Variants in GPC6 observed in about 807,000 individuals in gnomAD.
GPC6 encodes glypican 6, also known as glypican-6.
Under a neutral mutation model 55.2 loss-of-function variants are expected in GPC6, and 14 were observed. The observed-to-expected ratio is 0.25, with a 90% CI of 0.17 to 0.40. The LOEUF (loss-of-function observed/expected upper bound fraction) is 0.40. Ranked by LOEUF, GPC6 falls within the 10% of genes least tolerant of loss-of-function variation. The probability of loss-of-function intolerance (pLI) is 1.00; values close to 1 mark genes in which losing one functional copy is unlikely to be tolerated. For synonymous variants in GPC6, 278 were observed against 259.6 expected (o/e 1.07, Z -0.68); for missense variants, 641 against 708.5 (o/e 0.90, Z 1.08).
chr13:93,462,689 G>T (rs1050579371), intron 1 of GPC6, among the ~76,000 whole-genome samples: 1 of 150,730 alleles, frequency 6.6e-6, no homozygotes, highest in African/African-American at 2.4e-5. Context: ...ACATATAAAT[G>T]AAAGAGCAAA....
At chr13:94,012,155 A>C (rs1245209606) in intron 3 of GPC6, among the ~76,000 whole-genome samples, 1 of 152,214 alleles carries the variant, frequency 6.6e-6, no homozygotes, top group Non-Finnish European at 1.5e-5. Context: ...GTTTCCAAGT[A>C]ATGTTCACTT....
intron 3 of GPC6, among the ~76,000 whole-genome samples, chr13:93,868,889 C>T (rs1889047340): frequency 6.6e-6 from 1 of 151,798 alleles, no homozygotes; most frequent in Non-Finnish European, 1.5e-5. Flanking sequence ...ATTCCCTTTC[C>T]CTTTTCCACA....
chr13:94,034,252 A>AG (rs755363309), intron 4 of GPC6, among the ~76,000 whole-genome samples: 2 of 57,076 alleles, frequency 3.5e-5, no homozygotes, highest in South Asian at 1.1e-3. Context: ...AAGGAAGGAA[A>AG]GAAAGAAAGA....
At chr13:93,260,626 G>A (rs1877112322) in intron 1 of GPC6, among the ~76,000 whole-genome samples, 1 of 151,960 alleles carries the variant, frequency 6.6e-6, no homozygotes, top group Non-Finnish European at 1.5e-5. Context: ...CACATTACAG[G>A]ACACACTGCC....
At chr13:93,810,059 A>G (rs1886651083) in intron 2 of GPC6, among the ~76,000 whole-genome samples, 1 of 151,762 alleles carries the variant, frequency 6.6e-6, no homozygotes, top group African/African-American at 2.4e-5. Flanking sequence ...AGCTCCCCCA[A>G]CCCCTCCTTC....
At chr13:93,492,830 A>T (rs977165676) in intron 1 of GPC6, among the ~76,000 whole-genome samples, 1 of 150,572 alleles carries the variant, frequency 6.6e-6, no homozygotes, top group East Asian at 2.0e-4. Flanking sequence ...ACATTTATTG[A>T]TTGGCATATA....
At chr13:93,424,678 T>C (rs1320606621) in intron 1 of GPC6, among the ~76,000 whole-genome samples, 3 of 152,142 alleles carry the variant, frequency 2.0e-5, no homozygotes, top group African/African-American at 4.8e-5. Flanking sequence ...ACTGAGGTTG[T>C]TTTTGTTGTT....
intron 1 of GPC6, among the ~76,000 whole-genome samples, chr13:93,378,748 C>T (rs1331073074): frequency 2.6e-5 from 4 of 152,064 alleles, no homozygotes; most frequent in African/African-American, 4.8e-5. Context: ...GTAATCCCAC[C>T]GCTTTGGGAG....
intron 7 of GPC6, among the ~76,000 whole-genome samples, chr13:94,392,915 GT>G (rs1387748154): frequency 6.7e-6 from 1 of 149,872 alleles, no homozygotes; most frequent in East Asian, 1.9e-4. Flanking sequence ...ACCCGGCCCT[GT>G]TTTTAATTTT....
rs116595805 is a variant in GPC6, at chr13:94,221,182, C to T, written c.878-65167C>T. Among the ~76,000 whole-genome samples the T allele has an allele frequency of 2.1e-3, 316 of 152,142 alleles. 3 individuals carry two copies. Among genetic ancestry groups the T allele is most frequent in the African/African-American group, 7.2e-3 (298 of 41,520 alleles). ...ATGGAAATGTCTTGTTTTTAAAAGACCTATATCCATAAACAGCTAAATGAC... is the reference window on the plus strand; with the variant it reads ...ATGGAAATGTCTTGTTTTTAAAAGATCTATATCCATAAACAGCTAAATGAC... On this transcript the variant is annotated intron_variant, in intron 4 of 8. Coordinates refer to ENST00000377047, the MANE Select transcript of GPC6 (RefSeq NM_005708.5).
intron 1 of GPC6, among the ~76,000 whole-genome samples, chr13:93,371,875 A>G (rs1296333600): frequency 1.3e-5 from 2 of 152,138 alleles, no homozygotes; most frequent in African/African-American, 4.8e-5. Context: ...CATAGAATTC[A>G]TTGTTAGCCT....
intron 3 of GPC6, among the ~76,000 whole-genome samples, chr13:93,969,333 G>C (rs1436996826): frequency 6.6e-6 from 1 of 152,178 alleles, no homozygotes; most frequent in Non-Finnish European, 1.5e-5. Context: ...AGAGCCACTA[G>C]AAGAGACCCT....
At chr13:94,290,596 G>C (rs1320673565) in intron 5 of GPC6, among the ~76,000 whole-genome samples, 1 of 151,978 alleles carries the variant, frequency 6.6e-6, no homozygotes, top group Non-Finnish European at 1.5e-5. Flanking sequence ...ATTGTGAAAT[G>C]GTTAAATCAA....
chr13:93,339,019 A>G (rs1319629668), intron 1 of GPC6, among the ~76,000 whole-genome samples: 1 of 152,116 alleles, frequency 6.6e-6, no homozygotes, highest in Non-Finnish European at 1.5e-5. Context: ...AAAGATGAGA[A>G]CCACTGCTCT....
chr13:93,975,151 G>A (rs1376069501), intron 3 of GPC6, among the ~76,000 whole-genome samples: 1 of 152,166 alleles, frequency 6.6e-6, no homozygotes, highest in Admixed American at 6.6e-5. Context: ...AGTTGTCTCT[G>A]ATGCATGCAA....
intron 1 of GPC6, among the ~76,000 whole-genome samples, chr13:93,282,287 A>T (rs990915562): frequency 2.0e-5 from 3 of 152,156 alleles, no homozygotes; most frequent in African/African-American, 7.2e-5. Context: ...CAAACCTAAG[A>T]CTATTTTGCT....
intron 2 of GPC6, among the ~76,000 whole-genome samples, chr13:93,777,823 G>C (rs925587602): frequency 6.6e-6 from 1 of 152,020 alleles, no homozygotes; most frequent in East Asian, 1.9e-4. Context: ...GTGTCTATTT[G>C]TATATGTATT....
chr13:93,272,492 G>A (rs9589697), intron 1 of GPC6, among the ~76,000 whole-genome samples: 10,635 of 137,060 alleles, frequency 0.078, 478 homozygotes, highest in Non-Finnish European at 0.099. Context: ...TTGTCTGTGT[G>A]TATATATATA....
At chr13:93,272,996 G>A (rs765753322) in intron 1 of GPC6, among the ~76,000 whole-genome samples, 3 of 152,124 alleles carry the variant, frequency 2.0e-5, no homozygotes, top group Non-Finnish European at 4.4e-5. Flanking sequence ...AGGAAAAATA[G>A]GCAGTGTTTA....
Sources: gnomAD v4.1 joint callset for allele counts (sites outside exome capture counted in the v4.1 genomes callset) on GRCh38, gnomAD v4.1.1 for gene constraint, MANE v1.5 for transcripts, NCBI Gene and HGNC (gene_info 2026-07-23, HGNC 2026-07-21) for gene names.